LARGE1: variants seen among roughly 807,000 people sequenced by gnomAD.
LARGE1 encodes the protein LARGE xylosyl- and glucuronyltransferase 1, also known as xylosyl- and glucuronyltransferase LARGE1.
Under a neutral mutation model 87.6 loss-of-function variants are expected in LARGE1, and 43 were observed. That is an observed-to-expected ratio of 0.49 (90% confidence interval 0.38 to 0.63). The LOEUF is 0.63. Ranked by LOEUF, LARGE1 falls within the 30% of genes least tolerant of loss-of-function variation. LARGE1 has a pLI of 0.00. For missense variants in LARGE1, 802 were observed against 1,000.2 expected, an observed-to-expected ratio of 0.80 and a Z score of 2.67; for synonymous variants, 434 against 394.6, an observed-to-expected ratio of 1.10 and a Z score of -1.18.
At chr22:33,697,630 T>C (rs544255023) in intron 2 of LARGE1, among the ~76,000 whole-genome samples, 1 of 149,198 alleles carries the variant, frequency 6.7e-6, no homozygotes, top group Non-Finnish European at 1.5e-5. Context: ...TGAACTCTAA[T>C]GGTTATAGTC....
intron 6 of LARGE1, among the ~76,000 whole-genome samples, chr22:33,533,176 G>A (rs994221922): frequency 7.2e-5 from 11 of 152,142 alleles, no homozygotes; most frequent in Non-Finnish European, 4.4e-5. Flanking sequence ...CAGTCTTCCG[G>A]GAGCTAACAG....
intron 2 of LARGE1, among the ~76,000 whole-genome samples, chr22:33,705,084 T>C (rs1603208321): frequency 6.6e-6 from 1 of 152,174 alleles, no homozygotes; most frequent in African/African-American, 2.4e-5. Context: ...CTTGCCACCA[T>C]GGTGCACCCC....
At chr22:33,788,104 T>C (rs1384775388) in intron 1 of LARGE1, among the ~76,000 whole-genome samples, 1 of 152,162 alleles carries the variant, frequency 6.6e-6, no homozygotes, top group Admixed American at 6.5e-5. Context: ...AACCAAATCT[T>C]ACCTTGAATT....
intron 4 of LARGE1, among the ~76,000 whole-genome samples, chr22:33,620,146 C>T (rs1006128968): frequency 2.0e-5 from 3 of 152,180 alleles, no homozygotes; most frequent in African/African-American, 7.2e-5. Context: ...TTCACCACGT[C>T]CTTCAGGGGC....
intron 6 of LARGE1, among the ~76,000 whole-genome samples, chr22:33,445,035 A>C (rs1284641059): frequency 2.0e-5 from 3 of 152,106 alleles, no homozygotes; most frequent in Non-Finnish European, 4.4e-5. Flanking sequence ...TCGCCATGTC[A>C]GTCAGGCTGG....
At chr22:33,526,982 T>C (rs148484574) in intron 6 of LARGE1, among the ~76,000 whole-genome samples, 2,621 of 152,274 alleles carry the variant, frequency 0.017, 36 homozygotes, top group Middle Eastern at 0.027. Context: ...TCCGGCTGGG[T>C]GCAGTGGCAC....
chr22:33,780,535 G>C (rs777572360), intron 1 of LARGE1, among the ~76,000 whole-genome samples: 1 of 152,204 alleles, frequency 6.6e-6, no homozygotes, highest in Non-Finnish European at 1.5e-5. Context: ...GTGAAAGAAG[G>C]AGCATGAAGC....
In LARGE1 at chr22:33,608,615, A is replaced by G. The variant is rs577450434; in HGVS notation, c.492-4057T>C. ...TATCCAGCAAAGAACCTGGTGAATC[A>G]TGGGTCCTGAATAGATATTCCTGTA... is the stretch of plus-strand genomic sequence containing the variant. On this transcript the variant is annotated intron_variant, in intron 4 of 14. Coordinates refer to ENST00000397394, the MANE Select transcript of LARGE1 (RefSeq NM_133642.5). 3.3e-5 allele frequency among the ~76,000 whole-genome samples: 5 copies of G among 152,314 alleles called. No homozygotes were observed. In the East Asian group the frequency reaches 9.6e-4, roughly 29 times the overall value.
At chr22:33,842,617 C>T (rs549975739) in intron 1 of LARGE1, among the ~76,000 whole-genome samples, 2 of 152,268 alleles carry the variant, frequency 1.3e-5, no homozygotes, top group East Asian at 3.9e-4. Context: ...CACGAAACAC[C>T]AGGTGCAGCT....
the LARGE1 span, among the ~76,000 whole-genome samples, chr22:33,089,383 T>TCTC: frequency 7.4e-6 from 1 of 134,346 alleles, no homozygotes; most frequent in Non-Finnish European, 1.6e-5. Flanking sequence ...TTCTTCTTCT[T>TCTC]CTTCCTCTTC....
chr22:33,299,034 C>G (rs1360666172), intron 12 of LARGE1, among the ~76,000 whole-genome samples: 1 of 151,644 alleles, frequency 6.6e-6, no homozygotes, highest in African/African-American at 2.4e-5. Context: ...CATAGCGAAA[C>G]CCTGTCTTTA....
intron 1 of LARGE1, among the ~76,000 whole-genome samples, chr22:33,882,035 G>GTTT (rs56757133): frequency 6.8e-4 from 98 of 144,254 alleles, no homozygotes; most frequent in African/African-American, 2.4e-3. Flanking sequence ...TTTTGTTTTT[G>GTTT]TTTTTTTTTG....
chr22:33,529,517 G>C (rs542325491), intron 6 of LARGE1, among the ~76,000 whole-genome samples: 1 of 152,200 alleles, frequency 6.6e-6, no homozygotes, highest in Non-Finnish European at 1.5e-5. Context: ...GCTATTAACC[G>C]GGTCAGAAAG....
At chr22:33,812,624 A>T (rs188667470) in intron 1 of LARGE1, among the ~76,000 whole-genome samples, 3 of 152,360 alleles carry the variant, frequency 2.0e-5, no homozygotes, top group Admixed American at 2.0e-4. Context: ...TCACCAGGCC[A>T]TCCTGTCCAT....
intron 7 of LARGE1, among the ~76,000 whole-genome samples, chr22:33,413,727 A>C (rs1048832474): frequency 2.6e-5 from 4 of 151,970 alleles, no homozygotes; most frequent in Non-Finnish European, 5.9e-5. Context: ...GGCCTCCCAA[A>C]GTGCTGGGAT....
In LARGE1 at chr22:33,650,390, G is replaced by T. The variant is rs139662199; in HGVS notation, c.385C>A (p.Gln129Lys). The T allele has an allele frequency of 2.7e-5, 44 of 1,613,962 alleles. No individual in the cohort carries two copies. Among genetic ancestry groups the T allele is most frequent in the Non-Finnish European group, 3.7e-5 (44 of 1,180,044 alleles). ...VAGNSSECGQ[Q>K]PVVEKCETIH... ...ACCTCGCATTTCTCCACGACCGGCT[G>T]CTGCCCACACTCGGAGCTGTTGCCT... Residue 129 changes from glutamine (Q) to lysine (K), a missense_variant, in exon 3 of 15, where the codon CAG becomes AAG. Coordinates refer to ENST00000397394, the MANE Select transcript of LARGE1 (RefSeq NM_133642.5).
intron 7 of LARGE1, among the ~76,000 whole-genome samples, chr22:33,430,776 A>G (rs2067052259): frequency 6.6e-6 from 1 of 151,806 alleles, no homozygotes; most frequent in Non-Finnish European, 1.5e-5. Flanking sequence ...CCATCTGTGA[A>G]CTCTTACCTC....
intron 5 of LARGE1, among the ~76,000 whole-genome samples, chr22:33,590,689 T>C (rs1438549371): frequency 6.6e-6 from 1 of 152,186 alleles, no homozygotes; most frequent in Non-Finnish European, 1.5e-5. Flanking sequence ...ACCTTCTCAC[T>C]GGCATTGCTG....
intron 4 of LARGE1, among the ~76,000 whole-genome samples, chr22:33,612,152 A>G (rs1602710217): frequency 6.7e-6 from 1 of 150,296 alleles, no homozygotes; most frequent in East Asian, 2.0e-4. Flanking sequence ...TGCCCAGGCT[A>G]GAGTGCAGTG....
Sources: gnomAD v4.1 joint callset for allele counts (sites outside exome capture counted in the v4.1 genomes callset) on GRCh38, gnomAD v4.1.1 for gene constraint, MANE v1.5 for transcripts, NCBI Gene and HGNC (gene_info 2026-07-23, HGNC 2026-07-21) for gene names.